Variants in NKAIN3 observed in about 807,000 individuals in gnomAD.
The protein encoded by NKAIN3 is sodium/potassium-transporting ATPase subunit beta-1-interacting protein 3.
In NKAIN3, 25 loss-of-function variants were observed where a neutral mutation model predicts 30.2. That is an observed-to-expected ratio of 0.83 (90% CI 0.60 to 1.16). NKAIN3 has a LOEUF of 1.16. Among genes scored for constraint, NKAIN3 ranks in the 50% most tolerant of loss-of-function variants. The probability of loss-of-function intolerance (pLI) is 0.00; values close to 1 mark genes in which losing one functional copy is unlikely to be tolerated. For synonymous variants in NKAIN3, 91 were observed against 89.6 expected (o/e 1.02, Z -0.09); for missense variants, 225 against 254.1 (o/e 0.89, Z 0.78).
chr8:62,934,956 G>GA (rs1381004229), intron 5 of NKAIN3, among the ~76,000 whole-genome samples: 1 of 152,164 alleles, frequency 6.6e-6, no homozygotes, highest in East Asian at 1.9e-4. Flanking sequence ...TGGAGAGGGG[G>GA]AAGGAGAGCA....
intron 1 of NKAIN3, among the ~76,000 whole-genome samples, chr8:62,280,363 T>C (rs1044573647): frequency 2.0e-5 from 3 of 152,170 alleles, no homozygotes; most frequent in Non-Finnish European, 4.4e-5. Context: ...GCATATCCTT[T>C]ATTCCTTTCT....
At chr8:62,911,504 A>G in intron 4 of NKAIN3, among the ~76,000 whole-genome samples, 1 of 152,136 alleles carries the variant, frequency 6.6e-6, no homozygotes, top group Non-Finnish European at 1.5e-5. Context: ...GAAATTTTCC[A>G]TTGCAGCCTG....
At chr8:62,498,831 A>C (rs1172141040) in intron 1 of NKAIN3, among the ~76,000 whole-genome samples, 2 of 151,988 alleles carry the variant, frequency 1.3e-5, no homozygotes, top group East Asian at 3.9e-4. Flanking sequence ...AATGGGGAGG[A>C]CTGACATGAA....
chr8:62,607,431 G>T (rs1368956552), intron 3 of NKAIN3, among the ~76,000 whole-genome samples: 2 of 152,060 alleles, frequency 1.3e-5, no homozygotes, highest in Non-Finnish European at 2.9e-5. Flanking sequence ...CAGCACCTTT[G>T]CATCACTCAG....
intron 1 of NKAIN3, among the ~76,000 whole-genome samples, chr8:62,491,123 T>C (rs1661378591): frequency 6.6e-6 from 1 of 152,050 alleles, no homozygotes; most frequent in Non-Finnish European, 1.5e-5. Flanking sequence ...GAAGGAGAAA[T>C]AGTAAATACC....
rs771806767 is a variant in NKAIN3, at chr8:62,981,226, A to G, written c.*15819A>G. On this transcript the variant is annotated 3_prime_UTR_variant, in exon 7 of 7. Coordinates refer to ENST00000623646, the MANE Select transcript of NKAIN3 (RefSeq NM_001304533.3). ...CACATCTATAAGTATAGTGCTACAT[A>G]ATAATTACAACCTTTAAGAAAATGG... 6.6e-6 allele frequency: 1 copy of G among 152,162 alleles called. No homozygotes were observed. Among genetic ancestry groups the G allele is most frequent in the African/African-American group, 2.4e-5 (1 of 41,436 alleles). The allele number at this position is 152,162 out of a possible 1,614,324, so 9.4% of individuals were successfully genotyped here.
At chr8:62,368,155 T>A (rs553406103) in intron 1 of NKAIN3, among the ~76,000 whole-genome samples, 15 of 152,104 alleles carry the variant, frequency 9.9e-5, no homozygotes, top group African/African-American at 2.4e-5. Context: ...CCCAAGGAGA[T>A]CTACAAATTC....
At chr8:62,324,850 A>C (rs1243423094) in intron 1 of NKAIN3, among the ~76,000 whole-genome samples, 1 of 152,080 alleles carries the variant, frequency 6.6e-6, no homozygotes, top group South Asian at 2.1e-4. Flanking sequence ...CAAATTGGCT[A>C]TTCTCTCTCT....
intron 1 of NKAIN3, among the ~76,000 whole-genome samples, chr8:62,449,715 A>G (rs910708801): frequency 9.2e-5 from 14 of 152,108 alleles, no homozygotes; most frequent in Non-Finnish European, 1.8e-4. Flanking sequence ...AGAACAATCC[A>G]TAAGCGTATT....
rs1805675158 is a variant in NKAIN3 at position 62,452,535 on chromosome 8, T to C, written c.55-127004T>C. 2.0e-5 allele frequency among the ~76,000 whole-genome samples: 3 copies of C among 152,136 alleles called. No homozygotes were observed. The South Asian group carries it at 6.2e-4, about 32-fold the overall frequency. ...AAACAAATAGAATTTACTTTTATTTTGTGGTGGCTTGAGCAAAAGTCATTT... is the reference window on the plus strand; with the variant it reads ...AAACAAATAGAATTTACTTTTATTTCGTGGTGGCTTGAGCAAAAGTCATTT... On this transcript the variant is annotated intron_variant, in intron 1 of 6. Coordinates refer to ENST00000623646, the MANE Select transcript of NKAIN3 (RefSeq NM_001304533.3).
intron 5 of NKAIN3, among the ~76,000 whole-genome samples, chr8:62,934,025 A>G (rs1227253083): frequency 6.6e-6 from 1 of 152,208 alleles, no homozygotes; most frequent in Non-Finnish European, 1.5e-5. Flanking sequence ...AGAGAAAGAG[A>G]GCACAATTTG....
At chr8:62,858,367 T>C (rs951148976) in intron 4 of NKAIN3, among the ~76,000 whole-genome samples, 4 of 152,090 alleles carry the variant, frequency 2.6e-5, no homozygotes, top group Admixed American at 2.6e-4. Flanking sequence ...GCAGTCTGGC[T>C]GCTTTTTGAT....
intron 1 of NKAIN3, among the ~76,000 whole-genome samples, chr8:62,250,806 G>A (rs1018361335): frequency 6.6e-6 from 1 of 152,114 alleles, no homozygotes. Flanking sequence ...ATTTGTCAAA[G>A]CTTATCTTAA....
chr8:62,773,662 A>G (rs1360220003), intron 4 of NKAIN3, among the ~76,000 whole-genome samples: 1 of 152,102 alleles, frequency 6.6e-6, no homozygotes, highest in African/African-American at 2.4e-5. Context: ...AAGTCTCACG[A>G]GATCTAGTAG....
intron 1 of NKAIN3, among the ~76,000 whole-genome samples, chr8:62,316,413 A>G (rs1401364520): frequency 6.7e-6 from 1 of 148,838 alleles, no homozygotes; most frequent in East Asian, 2.0e-4. Context: ...TATATCTCCT[A>G]ATGCTATCCC....
In NKAIN3 at chr8:62,405,384, C is replaced by T. The variant is rs907793894; in HGVS notation, c.54+156257C>T. Among the ~76,000 whole-genome samples, 4 of 152,192 alleles carry T rather than the reference C, an allele frequency of 2.6e-5. No homozygotes were observed. In the East Asian group the frequency reaches 7.7e-4, roughly 29 times the overall value. On this transcript the variant is annotated intron_variant, in intron 1 of 6. Coordinates refer to ENST00000623646, the MANE Select transcript of NKAIN3 (RefSeq NM_001304533.3). ...AGCCACTTTTCAAAGTTATGTAGGA[C>T]CACAGAGTACTTTATTAGCCTGTGG...
intron 3 of NKAIN3, among the ~76,000 whole-genome samples, chr8:62,702,012 G>T (rs1305026296): frequency 6.6e-6 from 1 of 152,152 alleles, no homozygotes; most frequent in Non-Finnish European, 1.5e-5. Context: ...GTAGCCACCT[G>T]CGCTTGTGTT....
At chr8:62,672,015 G>C (rs1014513882) in intron 3 of NKAIN3, among the ~76,000 whole-genome samples, 2 of 151,952 alleles carry the variant, frequency 1.3e-5, no homozygotes, top group African/African-American at 4.8e-5. Context: ...ACTTGTGTAG[G>C]TCATGTGTCC....
chr8:62,338,139 C>A (rs963384689), intron 1 of NKAIN3, among the ~76,000 whole-genome samples: 2 of 151,856 alleles, frequency 1.3e-5, no homozygotes, highest in African/African-American at 2.4e-5. Flanking sequence ...GCCATAAAAC[C>A]TTTTAAACTG....
Sources: allele counts gnomAD v4.1 joint callset (sites outside exome capture counted in the v4.1 genomes callset), GRCh38; gene constraint gnomAD v4.1.1; transcripts MANE v1.5; gene names NCBI Gene and HGNC (gene_info 2026-07-23, HGNC 2026-07-21).